Variants in ZDHHC17 observed in about 807,000 individuals in gnomAD.
The protein encoded by ZDHHC17 is zDHHC palmitoyltransferase 17, also known as palmitoyltransferase ZDHHC17.
Under a neutral mutation model 90.3 loss-of-function variants are expected in ZDHHC17, and 40 were observed. The observed-to-expected ratio is 0.44, with a 90% CI of 0.34 to 0.58. The LOEUF is 0.58. ZDHHC17 is among the 20% of genes least tolerant of loss of function. The pLI, the probability that ZDHHC17 is intolerant of heterozygous loss-of-function variation, is 0.01. For missense variants in ZDHHC17, 614 were observed against 780.8 expected (o/e 0.79, Z 2.55); for synonymous variants, 235 against 252.4 (o/e 0.93, Z 0.65).
intron 1 of ZDHHC17, among the ~76,000 whole-genome samples, chr12:76,783,414 G>A (rs549454409): frequency 3.5e-4 from 54 of 152,266 alleles, no homozygotes; most frequent in African/African-American, 1.3e-3. Flanking sequence ...ACGTGAAGGA[G>A]GAACTATCAA....
chr12:76,780,909 C>T (rs1432851327), intron 1 of ZDHHC17, among the ~76,000 whole-genome samples: 2 of 151,628 alleles, frequency 1.3e-5, no homozygotes, highest in Non-Finnish European at 2.9e-5. Context: ...ATCACGAGGT[C>T]AGGAGATCGA....
Position 76,842,876 on chromosome 12 carries a change from C to T in ZDHHC17, c.1267-43C>T. ...TAGTGGTGGCAAAAGAGTTGGTGAG[C>T]ATTGTTCAGTTTTGAATTAAATATT... On this transcript the variant is annotated intron_variant, in intron 11 of 16. Transcript: ENST00000426126. 3 of 1,443,122 alleles carry T rather than the reference C, an allele frequency of 2.1e-6. No homozygotes were observed. The South Asian group carries it at 3.7e-5, about 18-fold the overall frequency. The allele number at this position is 1,443,122 out of a possible 1,614,324, so 89.4% of individuals were successfully genotyped here. A position where few individuals can be genotyped will look rare whatever the true frequency, so the allele number is the denominator to read the frequency against.
Position 76,809,094 on chromosome 12 carries a change from T to G in ZDHHC17, c.372T>G (p.Asn124Lys). Residue 124 changes from asparagine to lysine, a missense_variant, in exon 4 of 17, where the codon AAT becomes AAG. Transcript: ENST00000426126. The stretch of plus-strand genomic sequence containing the variant: ...TGGATCAACTTGGAGGGGACCTGAA[T>G]TCAACTCCATTGCACTGGGCCACAA... ...AIVDQLGGDL[N>K]STPLHWATRQ... The G allele has an allele frequency of 6.4e-7, 1 of 1,567,050 alleles. No individual in the cohort carries two copies. Among genetic ancestry groups the G allele is most frequent in the East Asian group, 2.4e-5 (1 of 42,118 alleles).
chr12:76,834,825 C>T (rs1019311527), intron 10 of ZDHHC17, among the ~76,000 whole-genome samples: 1 of 152,268 alleles, frequency 6.6e-6, no homozygotes, highest in South Asian at 2.1e-4. Flanking sequence ...GTTGCAGTCT[C>T]AACCTTGATG....
intron 14 of ZDHHC17, among the ~76,000 whole-genome samples, chr12:76,847,157 G>C (rs934825461): frequency 6.6e-6 from 1 of 152,204 alleles, no homozygotes; most frequent in African/African-American, 2.4e-5. Context: ...ACCTTTTTAA[G>C]AATAAGTTGT....
At chr12:76,819,127 G>A (rs1019715555) in intron 7 of ZDHHC17, among the ~76,000 whole-genome samples, 1 of 152,152 alleles carries the variant, frequency 6.6e-6, no homozygotes, top group Admixed American at 6.6e-5. Context: ...TTTGTTTTGG[G>A]TAACTGAGCG....
chr12:76,793,948 C>T lies in ZDHHC17; in HGVS notation c.94-3486C>T, dbSNP rs143171542. ...TTGCCCAGGCTGGAGCACAGTGGCG[C>T]GATCGTGGCTCACTGCAAGCTCCAC... is the stretch of plus-strand genomic sequence containing the variant. On this transcript the variant is annotated intron_variant, in intron 1 of 16. Coordinates refer to ENST00000426126, the MANE Select transcript of ZDHHC17 (RefSeq NM_015336.4). Among the ~76,000 whole-genome samples, 1,039 of 152,160 alleles carry T rather than the reference C, an allele frequency of 6.8e-3. 18 individuals carry two copies. Among genetic ancestry groups the T allele is most frequent in the African/African-American group, 0.024 (1,005 of 41,514 alleles).
At chr12:76,843,575 A>G (rs1313075524) in intron 12 of ZDHHC17, among the ~76,000 whole-genome samples, 1 of 152,128 alleles carries the variant, frequency 6.6e-6, no homozygotes, top group Non-Finnish European at 1.5e-5. Flanking sequence ...GTATAGCACT[A>G]TTGAGATTGT....
At chr12:76,837,722 G>C (rs1240260031) in intron 10 of ZDHHC17, among the ~76,000 whole-genome samples, 1 of 152,096 alleles carries the variant, frequency 6.6e-6, no homozygotes, top group African/African-American at 2.4e-5. Context: ...TCTGAATTCT[G>C]TTTGATGTAT....
rs1162097549 is a variant in ZDHHC17, at chr12:76,851,065, C to T, written c.*80C>T. The T allele has an allele frequency of 1.3e-5, 20 of 1,566,168 alleles. No individual in the cohort carries two copies. Among genetic ancestry groups the T allele is most frequent in the Non-Finnish European group, 1.7e-5 (20 of 1,149,598 alleles). On this transcript the variant is annotated 3_prime_UTR_variant, in exon 17 of 17. Transcript: ENST00000426126. ...TCCGTGTCTTTCTCACACTCGAATCCACATCCTTTGAACAAGAGCATGCTA... is the reference window on the plus strand; with the variant it reads ...TCCGTGTCTTTCTCACACTCGAATCTACATCCTTTGAACAAGAGCATGCTA...
In ZDHHC17 at chr12:76,846,546, C is replaced by T. The variant is rs1437362990; in HGVS notation, c.1424-50C>T. ...GGCATACCCCTCAAAGGTGCATTAC[C>T]CGTTGTTTTTTTCTTAGCTGAAAAA... On this transcript the variant is annotated intron_variant, in intron 13 of 16. Transcript: ENST00000426126. The T allele has an allele frequency of 2.8e-6, 4 of 1,423,288 alleles. No individual in the cohort carries two copies. In the Admixed American group the frequency reaches 7.4e-5, roughly 26 times the overall value. The allele number at this position is 1,423,288 out of a possible 1,614,324, so 88.2% of individuals were successfully genotyped here.
At chr12:76,831,162 A>G (rs1407468248) in intron 10 of ZDHHC17, among the ~76,000 whole-genome samples, 2 of 152,206 alleles carry the variant, frequency 1.3e-5, no homozygotes, top group Non-Finnish European at 2.9e-5. Flanking sequence ...TAATAGTAGC[A>G]CTGTCTCCAA....
At chr12:76,837,625 G>A (rs976382482) in intron 10 of ZDHHC17, among the ~76,000 whole-genome samples, 4 of 152,112 alleles carry the variant, frequency 2.6e-5, no homozygotes, top group Non-Finnish European at 5.9e-5. Context: ...TCAGGATGCA[G>A]TATTTAAAAT....
intron 1 of ZDHHC17, among the ~76,000 whole-genome samples, chr12:76,792,869 A>G (rs548342319): frequency 1.3e-5 from 2 of 152,290 alleles, no homozygotes; most frequent in East Asian, 1.9e-4. Flanking sequence ...GGGTTCCTAC[A>G]TAAGCAAACC....
Position 76,815,009 on chromosome 12 carries a change from A to T in ZDHHC17, c.544-137A>T, listed in dbSNP as rs1592483538. 2.6e-5 allele frequency: 13 copies of T among 503,176 alleles called. No homozygotes were observed. In the East Asian group the frequency reaches 3.6e-4, roughly 14 times the overall value. 31.2% of individuals were successfully genotyped at this position (503,176 alleles called of 1,614,324 possible). ...GAGTTTCATTTTAAAGTTAAGAAAG[A>T]AAGTTTCATACATTATCCTTGATTG... On this transcript the variant is annotated intron_variant, in intron 5 of 16. Transcript: ENST00000426126.
At chr12:76,840,044 CT>C (rs1327864357) in intron 10 of ZDHHC17, 1 of 152,148 alleles carries the variant, frequency 6.6e-6, no homozygotes, top group African/African-American at 2.4e-5. Context: ...GTAGCTTCTG[CT>C]TCAGTCGTAT....
intron 1 of ZDHHC17, among the ~76,000 whole-genome samples, chr12:76,778,574 C>T (rs927560646): frequency 2.0e-5 from 3 of 152,162 alleles, no homozygotes; most frequent in African/African-American, 7.2e-5. Context: ...TTTCAGATAA[C>T]TTACGTTAGA....
At chr12:76,824,826 G>A (rs1565794709) in intron 8 of ZDHHC17, among the ~76,000 whole-genome samples, 2 of 149,878 alleles carry the variant, frequency 1.3e-5, no homozygotes, top group South Asian at 2.1e-4. Flanking sequence ...CTGGGTGACC[G>A]AGTGAGACCT....
chr12:76,849,771 G>A, intron 16 of ZDHHC17: 1 of 177,194 alleles, frequency 5.6e-6, no homozygotes, highest in Non-Finnish European at 1.2e-5. Flanking sequence ...TTTTACTGAA[G>A]TTATTACCAA....
Sources: gnomAD v4.1 joint callset for allele counts (sites outside exome capture counted in the v4.1 genomes callset) on GRCh38, gnomAD v4.1.1 for gene constraint, MANE v1.5 for transcripts, NCBI Gene and HGNC (gene_info 2026-07-23, HGNC 2026-07-21) for gene names.